Variants in CR1L observed in about 807,000 individuals in gnomAD.
The protein encoded by CR1L is complement C3b/C4b receptor 1 like.
CR1L carries 59 observed loss-of-function variants against 62.3 expected under a neutral mutation model. That is an observed-to-expected ratio of 0.95 (90% CI 0.77 to 1.18). The LOEUF (loss-of-function observed/expected upper bound fraction) is 1.18. Ranked by LOEUF, CR1L falls within the 50% of genes most tolerant of loss-of-function variation. The probability of loss-of-function intolerance (pLI) is 0.00; values close to 1 mark genes in which losing one functional copy is unlikely to be tolerated. For synonymous variants in CR1L, 279 were observed against 248.7 expected, an observed-to-expected ratio of 1.12 and a Z score of -1.15; for missense variants, 700 against 702.8, an observed-to-expected ratio of 1.00 and a Z score of 0.04.
intron 4 of CR1L, among the ~76,000 whole-genome samples, chr1:207,689,066 T>C (rs571981526): frequency 6.6e-6 from 1 of 152,230 alleles, no homozygotes; most frequent in African/African-American, 2.4e-5. Context: ...ATAGAAGAGA[T>C]GATACAAGCC....
intron 1 of CR1L, 127 bp from the exon 2 acceptor site, chr1:207,677,262 C>T (rs538431014): frequency 7.7e-6 from 7 of 913,544 alleles, no homozygotes; most frequent in African/African-American, 3.9e-5. Context: ...GGCAGAGGAT[C>T]GCACCACTGC....
At chr1:207,669,267 C>T in intron 1 of CR1L, 3 of 511,954 alleles carry the variant, frequency 5.9e-6, no homozygotes, top group Non-Finnish European at 1.0e-5. Context: ...GGGGAGTAAA[C>T]ATGGCCTTGC....
At chr1:207,717,790 C>T in intron 11 of CR1L, 99 bp downstream of exon 11, 1 of 1,448,538 alleles carries the variant, frequency 6.9e-7, no homozygotes. Context: ...GTGAAAATGG[C>T]TTTGCTGTAA....
In CR1L at chr1:207,717,633, T is replaced by A. The variant is rs748358763; in HGVS notation, c.1584T>A (p.Pro528=). Residue 528 remains proline, a synonymous_variant, in exon 11 of 12, where the codon CCT becomes CCA. Transcript: ENST00000508064. The part of the protein sequence containing the change: ...GESTIRRTSE[P]HGNGVWSSPA... ...GCACCATCCGCCGCACAAGTGAACC[T>A]CATGGGAATGGGGTTTGGAGCAGCC... The A allele has an allele frequency of 2.5e-6, 4 of 1,613,848 alleles. No homozygotes were observed. The highest frequency in any genetic ancestry group is 3.3e-5 in the Admixed American group (2 of 60,000).
chr1:207,687,554 C>T (rs1346041713), intron 4 of CR1L, among the ~76,000 whole-genome samples: 2 of 152,198 alleles, frequency 1.3e-5, no homozygotes, highest in African/African-American at 4.8e-5. Context: ...ATTTATAACA[C>T]TAATAGTTTT....
At position 207,677,635 on chromosome 1, in the gene CR1L, C is replaced by G. The variant is rs556922408; in HGVS notation, c.277+67C>G. 428 of 1,544,810 alleles carry G rather than the reference C, an allele frequency of 2.8e-4. 7 individuals are homozygous for G. In the South Asian group the frequency reaches 4.1e-3, roughly 15 times the overall value. ...TCTGTAAGATCTGATTCAATTTGTT[C>G]AAATTTTGTAACTGAGTTGCATACA... On this transcript the variant is annotated intron_variant, in intron 2 of 11. Coordinates refer to ENST00000508064, the MANE Select transcript of CR1L (RefSeq NM_175710.2).
rs1351233940 is a variant in CR1L at position 207,645,134 on chromosome 1, T to C, written c.-100T>C. 8 of 1,132,062 alleles carry C rather than the reference T, an allele frequency of 7.1e-6. No individual in the cohort carries two copies. The Admixed American group carries it at 1.1e-4, about 16-fold the overall frequency. 70.1% of individuals were successfully genotyped at this position (1,132,062 alleles called of 1,614,324 possible). On this transcript the variant is annotated 5_prime_UTR_variant, in exon 1 of 12. Coordinates refer to ENST00000508064, the MANE Select transcript of CR1L (RefSeq NM_175710.2). ...CTGGAAACTGTGAGTTTGGGGATTG[T>C]TGTGTCCACTAACCGGACTCAGAAG...
In CR1L at chr1:207,683,939, A is replaced by G. The variant is rs373558410; in HGVS notation, c.445A>G (p.Lys149Glu). The G allele has an allele frequency of 1.2e-6, 2 of 1,613,122 alleles. No individual in the cohort carries two copies. Among genetic ancestry groups the G allele is most frequent in the African/African-American group, 1.3e-5 (1 of 74,908 alleles). The stretch of plus-strand genomic sequence containing the variant: ...AGGCAACACTGTCATTTGGGATAAT[A>G]AAACACCTGTTTGTGACAGTGAGTT... Reference protein sequence around the residue: ...ISGNTVIWDNKTPVCDRIICG... With the variant: ...ISGNTVIWDNETPVCDRIICG... The change falls in exon 4 of 12, where the codon AAA (lysine) becomes GAA (glutamate). Residue 149 changes from lysine (K) to glutamate (E), a missense_variant. By Grantham distance (56) the Lys-to-Glu change is moderately conservative. Transcript: ENST00000508064.
chr1:207,721,446 GT>G (rs1254666642), intron 11 of CR1L, among the ~76,000 whole-genome samples: 1 of 150,312 alleles, frequency 6.7e-6, no homozygotes, highest in Non-Finnish European at 1.5e-5. Context: ...GCGGTGTTTG[GT>G]TTTTCGTTCT....
intron 1 of CR1L, among the ~76,000 whole-genome samples, chr1:207,671,407 G>A (rs1663613227): frequency 1.3e-5 from 2 of 150,690 alleles, no homozygotes; most frequent in Admixed American, 6.6e-5. Context: ...GACAGTTTAT[G>A]GGAATATTTA....
At chr1:207,691,298 A>G (rs376398270) in intron 4 of CR1L, among the ~76,000 whole-genome samples, 2 of 152,044 alleles carry the variant, frequency 1.3e-5, no homozygotes, top group African/African-American at 4.8e-5. Context: ...GTACATTAAT[A>G]TAGCTATATC....
At position 207,665,897 on chromosome 1, in the gene CR1L, G is replaced by A. The variant is rs528441943; in HGVS notation, c.98-11492G>A. On this transcript the variant is annotated intron_variant, in intron 1 of 11. Coordinates refer to ENST00000508064, the MANE Select transcript of CR1L (RefSeq NM_175710.2). ...AGTCAGATGAAGTAAGGCAGTATTC[G>A]GGAATGTTTGTGTGAGCTAAGACTA... Among the ~76,000 whole-genome samples the A allele has an allele frequency of 5.3e-5, 8 of 152,284 alleles. No individual in the cohort carries two copies. The South Asian group carries it at 1.5e-3, about 28-fold the overall frequency.
intron 11 of CR1L, among the ~76,000 whole-genome samples, chr1:207,719,315 G>A (rs1320319112): frequency 7.3e-5 from 11 of 150,818 alleles, no homozygotes; most frequent in Non-Finnish European, 1.6e-4. Flanking sequence ...GTAGATAGAT[G>A]AGAAATATAT....
chr1:207,706,000 T>A (rs1353641222), intron 9 of CR1L, among the ~76,000 whole-genome samples: 41 of 105,324 alleles, frequency 3.9e-4, no homozygotes, highest in Admixed American at 2.5e-3. Flanking sequence ...GTCATATATA[T>A]GTGTGTGTGT....
chr1:207,717,203 T>C (rs1305768474), intron 10 of CR1L, among the ~76,000 whole-genome samples: 1 of 152,154 alleles, frequency 6.6e-6, no homozygotes, highest in Admixed American at 6.5e-5. Context: ...AAAAAATTAC[T>C]TTCCAAATTC....
intron 3 of CR1L, among the ~76,000 whole-genome samples, chr1:207,678,717 G>T (rs532926196): frequency 6.6e-6 from 1 of 152,138 alleles, no homozygotes; most frequent in Admixed American, 6.5e-5. Context: ...CAAAACAGGC[G>T]GCTTAATACA....
At position 207,710,728 on chromosome 1, in the gene CR1L, G is replaced by A. The variant is rs778857714; in HGVS notation, c.1414+2465G>A. 344 of 1,609,666 alleles carry A rather than the reference G, an allele frequency of 2.1e-4. 1 individual carries two copies. Among genetic ancestry groups the A allele is most frequent in the East Asian group, 4.5e-4 (20 of 44,784 alleles). On this transcript the variant is annotated intron_variant, in intron 10 of 11. Coordinates refer to ENST00000508064, the MANE Select transcript of CR1L (RefSeq NM_175710.2). ...TTGTCATGAAAGGACCCCCCGCACCGTGTGCAATGCCAGGCCCTGAACAAA... is the reference window on the plus strand; with the variant it reads ...TTGTCATGAAAGGACCCCCCGCACCATGTGCAATGCCAGGCCCTGAACAAA...
At chr1:207,657,587 C>CAA (rs201093456) in intron 1 of CR1L, among the ~76,000 whole-genome samples, 9 of 150,952 alleles carry the variant, frequency 6.0e-5, no homozygotes, top group African/African-American at 1.9e-4. Flanking sequence ...TTTGAAAGAC[C>CAA]AAAAAAAATA....
At chr1:207,669,535 G>A in intron 1 of CR1L, 27 of 1,575,146 alleles carry the variant, frequency 1.7e-5, no homozygotes, top group Non-Finnish European at 2.3e-5. Context: ...GCTGGCGGTC[G>A]TGGTGCTGCT....
Sources: allele counts gnomAD v4.1 joint callset (sites outside exome capture counted in the v4.1 genomes callset), GRCh38; gene constraint gnomAD v4.1.1; transcripts MANE v1.5; gene names NCBI Gene and HGNC (gene_info 2026-07-23, HGNC 2026-07-21).